The following SLC36A3 variants were observed in gnomAD, a reference collection of about 807,000 sequenced individuals.
The protein encoded by SLC36A3 is solute carrier family 36 member 3.
SLC36A3 carries 35 observed loss-of-function variants against 44.3 expected under a neutral mutation model. The ratio of observed to expected loss-of-function variants is 0.79; its 90% CI spans 0.60 to 1.05. The LOEUF (loss-of-function observed/expected upper bound fraction) is 1.05. Among genes scored for constraint, SLC36A3 ranks in the 50% least tolerant of loss-of-function variants. The pLI is 0.00. For synonymous variants in SLC36A3, 211 were observed against 227.6 expected (o/e 0.93, Z 0.66); for missense variants, 540 against 578.7 (o/e 0.93, Z 0.69).
At chr5:151,302,311 C>T (rs6860195) in intron 1 of SLC36A3, among the ~76,000 whole-genome samples, 60,815 of 152,018 alleles carry the variant, frequency 0.4, 12,802 homozygotes, top group African/African-American at 0.5. Flanking sequence ...GGATTGTCAT[C>T]GATAATCTCT....
chr5:151,300,883 C>T (rs530556538), intron 1 of SLC36A3, among the ~76,000 whole-genome samples: 1 of 152,208 alleles, frequency 6.6e-6, no homozygotes. Context: ...ATAAAGAGAA[C>T]CGCTATGCAT....
rs5872199 is a variant in SLC36A3 at position 151,301,729 on chromosome 5, TAA to T, written c.128+1496_128+1497del. ...CTGGGCGATAGAGCAAGACTCCGTC[TAA>T]AAAAAAAAAAAAAAAACCTCCAGTC... On this transcript the variant is annotated intron_variant, in intron 1 of 9. Coordinates refer to ENST00000335230, the MANE Select transcript of SLC36A3 (RefSeq NM_181774.4). Among the ~76,000 whole-genome samples the T allele has an allele frequency of 2.9e-3, 402 of 136,928 alleles. 2 individuals are homozygous for T. The highest frequency in any genetic ancestry group is 0.014 in the East Asian group (69 of 4,762). 89.8% of individuals were successfully genotyped at this position (136,928 alleles called of 152,430 possible).
At chr5:151,287,177 T>A in intron 6 of SLC36A3, 69 bp downstream of exon 6, 1 of 1,523,972 alleles carries the variant, frequency 6.6e-7, no homozygotes, top group Non-Finnish European at 9.0e-7. Flanking sequence ...CCCATCATGA[T>A]AACAAACCCT....
At chr5:151,298,101 G>A (rs1755021621) in intron 2 of SLC36A3, 1 of 152,958 alleles carries the variant, frequency 6.5e-6, no homozygotes, top group Non-Finnish European at 1.5e-5. Context: ...TTAGAGAGGA[G>A]GCACTTTAAA....
chr5:151,277,662 C>G lies in SLC36A3; in HGVS notation c.1145-1G>C. On this transcript the variant is annotated splice_acceptor_variant, in intron 9 of 9. Coordinates refer to ENST00000335230, the MANE Select transcript of SLC36A3 (RefSeq NM_181774.4). LOFTEE classifies it high-confidence loss of function. ...CGGGGGATGAGGATGGCTGAGACAC[C>G]TGCAATGAAAGGAGATATTTAGAAT... is the stretch of plus-strand genomic sequence containing the variant. 6.2e-7 allele frequency: 1 copy of G among 1,613,390 alleles called. No homozygotes were observed. Among genetic ancestry groups the G allele is most frequent in the Non-Finnish European group, 8.5e-7 (1 of 1,179,660 alleles).
intron 4 of SLC36A3, among the ~76,000 whole-genome samples, chr5:151,291,941 A>T (rs891374667): frequency 2.6e-5 from 4 of 151,888 alleles, no homozygotes; most frequent in African/African-American, 9.7e-5. Context: ...GCTCACTGCA[A>T]CCTCTGCCTC....
chr5:151,290,311 A>G (rs1754708701), intron 4 of SLC36A3, among the ~76,000 whole-genome samples: 1 of 152,186 alleles, frequency 6.6e-6, no homozygotes, highest in Non-Finnish European at 1.5e-5. Flanking sequence ...CCTGGTTCTC[A>G]TATCATCCTA....
chr5:151,296,455 GT>G (rs1754963539), intron 2 of SLC36A3, 187 bp from the exon 3 acceptor site: 1 of 613,732 alleles, frequency 1.6e-6, no homozygotes, highest in South Asian at 2.0e-5. Context: ...TCCCTGTAGA[GT>G]GGCTGCCCAA....
Position 151,298,628 on chromosome 5 carries a change from C to T in SLC36A3, c.184G>A (p.Gly62Arg). 1.9e-6 allele frequency: 3 copies of T among 1,614,164 alleles called. No homozygotes were observed. The highest frequency in any genetic ancestry group is 2.5e-6 in the Non-Finnish European group (3 of 1,180,012). Residue 62 changes from glycine to arginine, a missense_variant, in exon 2 of 10, where the codon GGG becomes AGG. By Grantham distance (125) the Gly-to-Arg change is moderately radical. Coordinates refer to ENST00000335230, the MANE Select transcript of SLC36A3 (RefSeq NM_181774.4). Reference sequence around the variant, plus strand: ...GCATTCTTTATGGCCAGGGGAAGCCCCAGGAGCCCTGTGCCAATGTTGCAT... The same window carrying T: ...GCATTCTTTATGGCCAGGGGAAGCCTCAGGAGCCCTGTGCCAATGTTGCAT... ...LKCNIGTGLLGLPLAIKNAGL... is the reference protein window; with the variant it reads ...LKCNIGTGLLRLPLAIKNAGL...
intron 4 of SLC36A3, among the ~76,000 whole-genome samples, chr5:151,292,740 T>C (rs995341377): frequency 2.0e-5 from 3 of 152,302 alleles, no homozygotes; most frequent in East Asian, 3.9e-4. Flanking sequence ...TCCCAGCACT[T>C]TGGGAGGCCG....
chr5:151,277,665 C>T lies in SLC36A3; in HGVS notation c.1145-4G>A, dbSNP rs1754147268. On this transcript the variant is annotated splice_polypyrimidine_tract_variant and splice_region_variant and intron_variant, in intron 9 of 9. Coordinates refer to ENST00000335230, the MANE Select transcript of SLC36A3 (RefSeq NM_181774.4). ...GGGATGAGGATGGCTGAGACACCTGCAATGAAAGGAGATATTTAGAATCAC... is the reference window on the plus strand; with the variant it reads ...GGGATGAGGATGGCTGAGACACCTGTAATGAAAGGAGATATTTAGAATCAC... The T allele has an allele frequency of 4.3e-6, 7 of 1,613,088 alleles. No homozygotes were observed. In the East Asian group the frequency reaches 1.6e-4, roughly 36 times the overall value.
At chr5:151,288,364 T>G in intron 5 of SLC36A3, 22 bp downstream of exon 5, 1 of 1,567,568 alleles carries the variant, frequency 6.4e-7, no homozygotes, top group Non-Finnish European at 8.7e-7. Context: ...TCCCCCACTC[T>G]GCCCAGAAGA....
chr5:151,286,454 C>A (rs549162239), intron 6 of SLC36A3, among the ~76,000 whole-genome samples: 32 of 152,130 alleles, frequency 2.1e-4, no homozygotes, highest in African/African-American at 7.5e-4. Context: ...CATCATGCCC[C>A]ACTAATTTTT....
intron 8 of SLC36A3, 118 bp downstream of exon 8, chr5:151,283,926 T>C (rs1457878500): frequency 9.3e-6 from 12 of 1,286,748 alleles, no homozygotes; most frequent in East Asian, 2.5e-5. Context: ...GAGAGACATA[T>C]GTCACTTCCA....
At chr5:151,296,964 A>G (rs1396869696) in intron 2 of SLC36A3, 1 of 152,366 alleles carries the variant, frequency 6.6e-6, no homozygotes, top group Non-Finnish European at 1.5e-5. Flanking sequence ...TATCTTCCAG[A>G]GGTGATCAGA....
intron 9 of SLC36A3, among the ~76,000 whole-genome samples, chr5:151,280,458 A>G (rs1754266274): frequency 6.6e-6 from 1 of 152,124 alleles, no homozygotes; most frequent in Admixed American, 6.5e-5. Flanking sequence ...TGTCTCAAAT[A>G]AATAAATAAA....
chr5:151,284,602 A>T lies in SLC36A3; in HGVS notation c.807+11T>A. 6 of 1,603,418 alleles carry T rather than the reference A, an allele frequency of 3.7e-6. No individual in the cohort carries two copies. Among genetic ancestry groups the T allele is most frequent in the Non-Finnish European group, 5.1e-6 (6 of 1,173,148 alleles). On this transcript the variant is annotated intron_variant, in intron 7 of 9. Transcript: ENST00000335230. The stretch of plus-strand genomic sequence containing the variant: ...GCTAGGGACCATTCGCGTGAACCCC[A>T]TCAATCTTACCATACCGACGCCTTC...
intron 6 of SLC36A3, among the ~76,000 whole-genome samples, chr5:151,286,317 C>T (rs188134096): frequency 1.1e-4 from 16 of 152,118 alleles, no homozygotes; most frequent in Middle Eastern, 3.4e-3. Context: ...TTTTTTGAGA[C>T]GGTCTTGCTC....
intron 1 of SLC36A3, 91 bp downstream of exon 1, chr5:151,303,136 G>A (rs571619040): frequency 5.5e-6 from 8 of 1,465,904 alleles, no homozygotes; most frequent in South Asian, 1.3e-5. Flanking sequence ...GAATAAGCGT[G>A]TTAAGGAGAT....
Sources: allele counts gnomAD v4.1 joint callset (sites outside exome capture counted in the v4.1 genomes callset), GRCh38; gene constraint gnomAD v4.1.1; transcripts MANE v1.5; gene names NCBI Gene and HGNC (gene_info 2026-07-23, HGNC 2026-07-21).